DPYD: variants seen among roughly 807,000 people sequenced by gnomAD.
DPYD encodes the protein dihydropyrimidine dehydrogenase [NADP(+)].
A neutral mutation model predicts 116.2 loss-of-function variants in DPYD; 109 were observed. The ratio of observed to expected loss-of-function variants is 0.94; its 90% CI spans 0.80 to 1.10. DPYD has a LOEUF of 1.10. Ranked by LOEUF, DPYD falls within the 50% of genes least tolerant of loss-of-function variation. The pLI, the probability that DPYD is intolerant of heterozygous loss-of-function variation, is 0.00. For synonymous variants in DPYD, 440 were observed against 432.0 expected, an observed-to-expected ratio of 1.02 and a Z score of -0.23; for missense variants, 1,302 against 1,254.5, an observed-to-expected ratio of 1.04 and a Z score of -0.57.
chr1:97,607,535 T>C (rs1015799859), intron 8 of DPYD, among the ~76,000 whole-genome samples: 2 of 151,420 alleles, frequency 1.3e-5, no homozygotes, highest in African/African-American at 4.9e-5. Flanking sequence ...GTGCTGGGAG[T>C]CAGAGATGCT....
rs920284673 is a variant in DPYD, at chr1:97,911,932, G to A, written c.39+8952C>T. On this transcript the variant is annotated intron_variant, in intron 1 of 22. Transcript: ENST00000370192. Reference sequence around the variant, plus strand: ...TTTCTCCCAGGGCAGAAAAAATTAGGAACCATGCACGCTGTCAAGCCATTC... The same window carrying A: ...TTTCTCCCAGGGCAGAAAAAATTAGAAACCATGCACGCTGTCAAGCCATTC... Among the ~76,000 whole-genome samples, 7 of 151,972 alleles carry A rather than the reference G, an allele frequency of 4.6e-5. No homozygotes were observed. The East Asian group carries it at 1.4e-3, about 29-fold the overall frequency.
chr1:97,144,978 G>C (rs545870505), intron 20 of DPYD, among the ~76,000 whole-genome samples: 4 of 152,270 alleles, frequency 2.6e-5, no homozygotes, highest in Middle Eastern at 3.4e-3. Flanking sequence ...ATGCAGAGAT[G>C]TTAGCATGGC....
chr1:97,618,722 T>C (rs1378061935), intron 8 of DPYD, among the ~76,000 whole-genome samples: 1 of 152,150 alleles, frequency 6.6e-6, no homozygotes, highest in Non-Finnish European at 1.5e-5. Context: ...AGAATTTGAA[T>C]TCAGGTAGCC....
At chr1:97,582,876 T>C (rs1227135963) in intron 10 of DPYD, among the ~76,000 whole-genome samples, 4 of 152,212 alleles carry the variant, frequency 2.6e-5, no homozygotes, top group African/African-American at 9.7e-5. Flanking sequence ...AACCCAGATA[T>C]GCAATGTAAG....
intron 3 of DPYD, 105 bp downstream of exon 3, chr1:97,828,009 G>A: frequency 9.1e-7 from 1 of 1,100,020 alleles, no homozygotes; most frequent in South Asian, 1.3e-5. Flanking sequence ...ATACCTTAGA[G>A]AACAGAGCTG....
At chr1:97,210,848 T>C in intron 19 of DPYD, among the ~76,000 whole-genome samples, 1 of 152,266 alleles carries the variant, frequency 6.6e-6, no homozygotes, top group African/African-American at 2.4e-5. Context: ...TGTCCCTTTC[T>C]TTTCATGTCC....
chr1:97,801,477 T>C (rs141230830), intron 3 of DPYD, among the ~76,000 whole-genome samples: 2 of 151,930 alleles, frequency 1.3e-5, no homozygotes, highest in African/African-American at 2.4e-5. Context: ...GAGAGATGCA[T>C]TAAAGATTTT....
chr1:97,286,148 G>C (rs1029140740), intron 18 of DPYD, among the ~76,000 whole-genome samples: 1 of 152,162 alleles, frequency 6.6e-6, no homozygotes, highest in Admixed American at 6.5e-5. Flanking sequence ...TTGCTTGTCT[G>C]TAAAGGATTT....
chr1:97,142,255 A>C (rs188183369), intron 20 of DPYD, among the ~76,000 whole-genome samples: 1 of 152,314 alleles, frequency 6.6e-6, no homozygotes, highest in East Asian at 1.9e-4. Context: ...ATTAGGGATA[A>C]GTAAATCTAT....
Position 97,100,351 on chromosome 1 carries a change from G to A in DPYD, c.2623-1719C>T, listed in dbSNP as rs188204283. Reference sequence around the variant, plus strand: ...GGGTCAGATAACACCACATAAGGTGGCGAGCACACGTCCACATGATATAAA... The same window carrying A: ...GGGTCAGATAACACCACATAAGGTGACGAGCACACGTCCACATGATATAAA... On this transcript the variant is annotated intron_variant, in intron 20 of 22. Transcript: ENST00000370192. Among the ~76,000 whole-genome samples, 4 of 152,124 alleles carry A rather than the reference G, an allele frequency of 2.6e-5. No individual in the cohort carries two copies. In the East Asian group the frequency reaches 7.7e-4, roughly 29 times the overall value.
In DPYD at chr1:97,223,388, AACAC is replaced by A. The variant is rs67855545; in HGVS notation, c.2442+11460_2442+11463del. 1.3e-3 allele frequency among the ~76,000 whole-genome samples: 200 copies of A among 148,430 alleles called. 1 individual carries two copies. The highest frequency in any genetic ancestry group is 3.1e-3 in the African/African-American group (124 of 40,374). Reference sequence around the variant, plus strand: ...AACCCACGCAGAAAAGATAGAATTAAACACACACACACACACACACACACACACA... The same window carrying A: ...AACCCACGCAGAAAAGATAGAATTAAACACACACACACACACACACACACA... On this transcript the variant is annotated intron_variant, in intron 19 of 22. Coordinates refer to ENST00000370192, the MANE Select transcript of DPYD (RefSeq NM_000110.4).
chr1:97,576,767 C>T (rs186379456), intron 10 of DPYD, among the ~76,000 whole-genome samples: 15 of 152,194 alleles, frequency 9.9e-5, no homozygotes, highest in African/African-American at 2.9e-4. Flanking sequence ...ACCAATTATC[C>T]GACAGTGCAC....
chr1:97,816,313 A>G (rs1165231960), intron 3 of DPYD, among the ~76,000 whole-genome samples: 4 of 152,114 alleles, frequency 2.6e-5, no homozygotes, highest in Non-Finnish European at 5.9e-5. Flanking sequence ...ACAAAAACAA[A>G]AAACCCTCTT....
intron 8 of DPYD, among the ~76,000 whole-genome samples, chr1:97,647,569 T>A (rs1658340854): frequency 6.6e-6 from 1 of 152,006 alleles, no homozygotes; most frequent in African/African-American, 2.4e-5. Flanking sequence ...GAAATATATA[T>A]ACAATGTATA....
chr1:97,346,827 CT>C (rs1359679886), intron 16 of DPYD, among the ~76,000 whole-genome samples: 1 of 151,816 alleles, frequency 6.6e-6, no homozygotes, highest in Admixed American at 6.6e-5. Context: ...GTCAAAACCC[CT>C]ATCTTAAGAG....
At chr1:97,325,244 T>A (rs966929745) in intron 16 of DPYD, among the ~76,000 whole-genome samples, 2 of 151,984 alleles carry the variant, frequency 1.3e-5, no homozygotes, top group African/African-American at 4.8e-5. Context: ...GTTATGTAAT[T>A]AACACCTAGA....
At chr1:97,328,724 A>G (rs1403232076) in intron 16 of DPYD, among the ~76,000 whole-genome samples, 1 of 152,156 alleles carries the variant, frequency 6.6e-6, no homozygotes, top group Non-Finnish European at 1.5e-5. Flanking sequence ...TAGAAAAGGG[A>G]AAAATGGTCA....
chr1:97,364,612 G>C (rs555703141), intron 16 of DPYD, among the ~76,000 whole-genome samples: 32 of 152,148 alleles, frequency 2.1e-4, no homozygotes, highest in African/African-American at 7.7e-4. Context: ...CAAAAACAAA[G>C]TTAGGTATAA....
chr1:97,152,334 T>C (rs1348239069), intron 20 of DPYD, among the ~76,000 whole-genome samples: 1 of 152,048 alleles, frequency 6.6e-6, no homozygotes, highest in Non-Finnish European at 1.5e-5. Flanking sequence ...TTGTATTCTG[T>C]GGAGTGAGAT....
Sources: gnomAD v4.1 joint callset for allele counts (sites outside exome capture counted in the v4.1 genomes callset) on GRCh38, gnomAD v4.1.1 for gene constraint, MANE v1.5 for transcripts, NCBI Gene and HGNC (gene_info 2026-07-23, HGNC 2026-07-21) for gene names.